The following TTLL5 variants were observed in gnomAD, a reference collection of about 807,000 sequenced individuals.
The protein encoded by TTLL5 is tubulin polyglutamylase TTLL5.
In TTLL5, 132 loss-of-function variants were observed where a neutral mutation model predicts 168.4. The observed-to-expected ratio is 0.78, with a 90% CI of 0.68 to 0.91. The LOEUF (loss-of-function observed/expected upper bound fraction) is 0.91, where lower values mean the gene tolerates loss of function less well. Among genes scored for constraint, TTLL5 ranks in the 40% least tolerant of loss-of-function variants. The pLI is 0.00. For synonymous variants in TTLL5, 546 were observed against 558.6 expected (o/e 0.98, Z 0.32); for missense variants, 1,545 against 1,581.5 (o/e 0.98, Z 0.39).
intron 5 of TTLL5, among the ~76,000 whole-genome samples, chr14:75,687,248 A>G (rs1408291286): frequency 1.3e-5 from 2 of 152,306 alleles, no homozygotes; most frequent in Admixed American, 1.3e-4. Flanking sequence ...GCACAGTCAT[A>G]AAAGGAAAAA....
rs1212990312 is a variant in TTLL5 at position 75,863,450 on chromosome 14, C to T, written c.3327-217C>T. 5.3e-5 allele frequency among the ~76,000 whole-genome samples: 8 copies of T among 152,236 alleles called. No individual in the cohort carries two copies. The South Asian group carries it at 6.2e-4, about 12-fold the overall frequency. Reference sequence around the variant, plus strand: ...TGACTGTGTGCCAGGCCTTATGATACGTGCTAGGAAAAGAAGAGAGTGCAA... The same window carrying T: ...TGACTGTGTGCCAGGCCTTATGATATGTGCTAGGAAAAGAAGAGAGTGCAA... On this transcript the variant is annotated intron_variant, in intron 28 of 31. Transcript: ENST00000298832.
chr14:75,884,184 A>G (rs895847247), intron 30 of TTLL5, among the ~76,000 whole-genome samples: 1 of 152,244 alleles, frequency 6.6e-6, no homozygotes, highest in African/African-American at 2.4e-5. Context: ...GGTCACCATC[A>G]TATGCATTCT....
intron 26 of TTLL5, among the ~76,000 whole-genome samples, chr14:75,792,230 G>A (rs1407146266): frequency 1.7e-5 from 2 of 116,954 alleles, no homozygotes; most frequent in Non-Finnish European, 3.4e-5. Flanking sequence ...TCATGGGGTG[G>A]GGGGAGGGGG....
At chr14:75,671,486 G>A (rs1191161949) in intron 3 of TTLL5, among the ~76,000 whole-genome samples, 6 of 152,172 alleles carry the variant, frequency 3.9e-5, no homozygotes, top group African/African-American at 1.2e-4. Context: ...TCACTTCTTA[G>A]AGTGTTGCCA....
In TTLL5 at chr14:75,954,538, A is replaced by T; in HGVS notation, c.*92A>T. On this transcript the variant is annotated 3_prime_UTR_variant, in exon 32 of 32. Transcript: ENST00000298832. The stretch of plus-strand genomic sequence containing the variant: ...ACCAGCACTTCAAGGGGTCCATAGT[A>T]TTTTTTTTTTTGCTGCCTCAAAGTC... 2 of 1,191,526 alleles carry T rather than the reference A, an allele frequency of 1.7e-6. No individual in the cohort carries two copies. The highest frequency in any genetic ancestry group is 3.0e-5 in the East Asian group (1 of 33,802). The allele number at this position is 1,191,526 out of a possible 1,614,324, so 73.8% of individuals were successfully genotyped here.
intron 11 of TTLL5, 119 bp from the exon 12 acceptor site, chr14:75,720,477 A>G (rs1566826993): frequency 4.0e-6 from 3 of 747,358 alleles, no homozygotes; most frequent in Non-Finnish European, 4.5e-6. Flanking sequence ...GAAGTCTGCC[A>G]TATAGAGGCT....
chr14:75,736,922 T>C (rs1888949100), intron 15 of TTLL5, among the ~76,000 whole-genome samples: 1 of 152,184 alleles, frequency 6.6e-6, no homozygotes, highest in Admixed American at 6.5e-5. Context: ...TTAACCTAGG[T>C]GTACTAGAAA....
chr14:75,819,308 T>TTGTGAC (rs1209963060), intron 27 of TTLL5, among the ~76,000 whole-genome samples: 2 of 152,244 alleles, frequency 1.3e-5, no homozygotes, highest in African/African-American at 4.8e-5. Flanking sequence ...TTCTACCAAT[T>TTGTGAC]TATAGTCACA....
chr14:75,816,040 G>A (rs1159191192), intron 27 of TTLL5, among the ~76,000 whole-genome samples: 1 of 152,244 alleles, frequency 6.6e-6, no homozygotes, highest in Non-Finnish European at 1.5e-5. Context: ...CCACTTACAG[G>A]TGTGTGACTG....
At chr14:75,893,780 T>C (rs996848209) in intron 30 of TTLL5, among the ~76,000 whole-genome samples, 1 of 132,992 alleles carries the variant, frequency 7.5e-6, no homozygotes, top group Non-Finnish European at 1.5e-5. Context: ...ATCGTGCCAC[T>C]GCACTCCAGC....
rs1245972073 is a variant in TTLL5 at position 75,678,690 on chromosome 14, AT to A, written c.182-2850del. Among the ~76,000 whole-genome samples, 10 of 102,664 alleles carry A rather than the reference AT, an allele frequency of 9.7e-5. 1 individual carries two copies. The Admixed American group carries it at 1.1e-3, about 11-fold the overall frequency. 67.4% of individuals were successfully genotyped at this position (102,664 alleles called of 152,430 possible). On this transcript the variant is annotated intron_variant, in intron 3 of 31. Coordinates refer to ENST00000298832, the MANE Select transcript of TTLL5 (RefSeq NM_015072.5). ...ATGGTTCCTACATGTTTAGATTCAG[AT>A]TTTTAAAAATCTGCAGGAATATTGC...
At chr14:75,749,884 A>C (rs1478557864) in intron 17 of TTLL5, among the ~76,000 whole-genome samples, 2 of 152,268 alleles carry the variant, frequency 1.3e-5, no homozygotes, top group Non-Finnish European at 2.9e-5. Context: ...CTGTCAGTTG[A>C]GAGTTAACAG....
intron 28 of TTLL5, among the ~76,000 whole-genome samples, chr14:75,839,978 T>C (rs112657948): frequency 7.4e-4 from 113 of 152,360 alleles, no homozygotes; most frequent in African/African-American, 2.4e-3. Flanking sequence ...TCAACAGATA[T>C]ATGATTTGTC....
chr14:75,732,535 GTGGAGATAACCAGACTTTCTTAAATCAGC>G (rs1208305691), intron 13 of TTLL5, 116 bp downstream of exon 13: 1 of 837,762 alleles, frequency 1.2e-6, no homozygotes, highest in Non-Finnish European at 1.9e-6. Flanking sequence ...TAGTTATTAG[GTGGAGATAACCAGACTTTCTTAAATCAGC>G]TGGTTTATGG....
At chr14:75,777,247 T>C (rs1891768181) in intron 23 of TTLL5, among the ~76,000 whole-genome samples, 1 of 152,202 alleles carries the variant, frequency 6.6e-6, no homozygotes, top group African/African-American at 2.4e-5. Flanking sequence ...TGCACATCTC[T>C]TGAAGTCACA....
chr14:75,694,602 G>A (rs1885701392), intron 6 of TTLL5, among the ~76,000 whole-genome samples: 1 of 152,212 alleles, frequency 6.6e-6, no homozygotes, highest in South Asian at 2.1e-4. Context: ...CCAAATTGCT[G>A]GGATTACAGG....
At chr14:75,922,266 A>G (rs1010856144) in intron 31 of TTLL5, among the ~76,000 whole-genome samples, 26 of 152,172 alleles carry the variant, frequency 1.7e-4, no homozygotes, top group South Asian at 4.2e-4. Context: ...TTCCAACACT[A>G]TGTTGAATAG....
intron 30 of TTLL5, among the ~76,000 whole-genome samples, chr14:75,900,030 C>T (rs957742405): frequency 8.6e-5 from 13 of 151,294 alleles, no homozygotes; most frequent in Admixed American, 6.6e-4. Flanking sequence ...AAAGCAAGCA[C>T]AGTGGCTCTA....
At chr14:75,875,212 C>T (rs572423619) in intron 29 of TTLL5, among the ~76,000 whole-genome samples, 33 of 148,216 alleles carry the variant, frequency 2.2e-4, no homozygotes, top group African/African-American at 7.9e-4. Flanking sequence ...GGATTACAGG[C>T]GTGAGCCACT....
Sources: allele counts gnomAD v4.1 joint callset (sites outside exome capture counted in the v4.1 genomes callset), GRCh38; gene constraint gnomAD v4.1.1; transcripts MANE v1.5; gene names NCBI Gene and HGNC (gene_info 2026-07-23, HGNC 2026-07-21).